SZRD1: variants seen among roughly 807,000 people sequenced by gnomAD.
SZRD1 encodes the protein SUZ RNA binding domain containing 1, also known as SUZ RNA-binding domain-containing.
A neutral mutation model predicts 17.6 loss-of-function variants in SZRD1; 7 were observed. That is an observed-to-expected ratio of 0.40 (90% CI 0.23 to 0.75). The LOEUF (loss-of-function observed/expected upper bound fraction) is 0.75. Among genes scored for constraint, SZRD1 ranks in the 30% least tolerant of loss-of-function variants. The pLI is 0.38. For synonymous variants in SZRD1, 77 were observed against 77.9 expected (o/e 0.99, Z 0.06); for missense variants, 178 against 201.8 (o/e 0.88, Z 0.71).
At chr1:16,373,075 A>G (rs1474599485) in intron 1 of SZRD1, among the ~76,000 whole-genome samples, 1 of 152,140 alleles carries the variant, frequency 6.6e-6, no homozygotes, top group East Asian at 1.9e-4. Context: ...TGGGAGGGCT[A>G]CAAGTATTTC....
rs77327771 is a variant in SZRD1 at position 16,393,041 on chromosome 1, G to A, written c.102-187G>A. Reference sequence around the variant, plus strand: ...TTCCTGTGGCCTGTCAGAGCTGGTCGCAAGCTTACTTTTTTGGGACACCCT... The same window carrying A: ...TTCCTGTGGCCTGTCAGAGCTGGTCACAAGCTTACTTTTTTGGGACACCCT... On this transcript the variant is annotated intron_variant, in intron 2 of 3. Transcript: ENST00000401088. This position sits in a 1 kb window ranked among gnomAD's most constrained non-coding sequence, Gnocchi z 5.6. 0.084 allele frequency among the ~76,000 whole-genome samples: 12,764 copies of A among 152,172 alleles called. 706 individuals carry two copies. The highest frequency in any genetic ancestry group is 0.12 in the Non-Finnish European group (8,452 of 67,996).
chr1:16,377,562 CAAAAA>C (rs34066824), intron 1 of SZRD1, among the ~76,000 whole-genome samples: 7 of 62,080 alleles, frequency 1.1e-4, no homozygotes, highest in African/African-American at 2.5e-4. Context: ...GACTCTGTCT[CAAAAA>C]AAAAAAAAAA....
chr1:16,383,105 A>T (rs2083133392), intron 1 of SZRD1, among the ~76,000 whole-genome samples: 1 of 152,100 alleles, frequency 6.6e-6, no homozygotes, highest in Non-Finnish European at 1.5e-5. Flanking sequence ...ACCTCAGGTG[A>T]TGCACCCACC....
chr1:16,385,003 C>CT (rs1288186947), intron 1 of SZRD1, among the ~76,000 whole-genome samples: 2 of 152,184 alleles, frequency 1.3e-5, no homozygotes, highest in African/African-American at 2.4e-5. Flanking sequence ...GAAATGAAAA[C>CT]TAACAGAGAA....
In SZRD1 at chr1:16,391,901, G is replaced by T. The variant is rs1303121694; in HGVS notation, c.101+477G>T. Among the ~76,000 whole-genome samples the T allele has an allele frequency of 6.6e-6, 1 of 152,196 alleles. No individual in the cohort carries two copies. The highest frequency in any genetic ancestry group is 1.9e-4 in the East Asian group (1 of 5,184). On this transcript the variant is annotated intron_variant, in intron 2 of 3. Transcript: ENST00000401088. The surrounding 1 kb of genome is among the most constrained non-coding windows in gnomAD (Gnocchi z 4.3). ...ATTCTTGAAAAAACCTTTAAAAATA[G>T]CTTTGTTTTCCACCTAGACGACAGA...
At chr1:16,389,256 TG>T (rs1470510674) in intron 1 of SZRD1, among the ~76,000 whole-genome samples, 1 of 139,214 alleles carries the variant, frequency 7.2e-6, no homozygotes, top group Non-Finnish European at 1.5e-5. Flanking sequence ...GCTAATTTTT[TG>T]TATTTTTTTG....
chr1:16,388,628 A>G (rs1241663429), intron 1 of SZRD1, among the ~76,000 whole-genome samples: 3 of 152,004 alleles, frequency 2.0e-5, no homozygotes. Flanking sequence ...ATAAGGCAAA[A>G]AAGATCACAT....
At chr1:16,371,449 CTTTTTTTTTTTCCCCTT>C (rs2082911761) in intron 1 of SZRD1, among the ~76,000 whole-genome samples, 1 of 135,432 alleles carries the variant, frequency 7.4e-6, no homozygotes, top group Non-Finnish European at 1.6e-5. Flanking sequence ...CTTTTTTTTC[CTTTTTTTTTTTCCCCTT>C]TTTTTTTTTT....
rs924162724 is a variant in SZRD1, at chr1:16,391,286, A to G, written c.52-89A>G. 1.0e-6 allele frequency: 1 copy of G among 960,854 alleles called. No individual in the cohort carries two copies. The highest frequency in any genetic ancestry group is 2.3e-5 in the Admixed American group (1 of 44,158). The allele number at this position is 960,854 out of a possible 1,614,324, so 59.5% of individuals were successfully genotyped here. ...CACAGTCATGTCCCTGGCTAGAGAA[A>G]GGACACTGCCCTTAGCTCCAAAAAT... is the stretch of plus-strand genomic sequence containing the variant. On this transcript the variant is annotated intron_variant, in intron 1 of 3. Coordinates refer to ENST00000401088, the MANE Select transcript of SZRD1 (RefSeq NM_001114600.3). The surrounding 1 kb of genome is among the most constrained non-coding windows in gnomAD (Gnocchi z 4.3).
chr1:16,371,319 G>T (rs982604652), intron 1 of SZRD1, among the ~76,000 whole-genome samples: 2 of 151,426 alleles, frequency 1.3e-5, no homozygotes, highest in South Asian at 2.1e-4. Flanking sequence ...GCCTCCCAAG[G>T]TGCTGGGATT....
At chr1:16,394,807 T>C (rs1470206208) in intron 3 of SZRD1, among the ~76,000 whole-genome samples, 2 of 152,002 alleles carry the variant, frequency 1.3e-5, no homozygotes, top group Non-Finnish European at 2.9e-5. Flanking sequence ...TTACAAAAAT[T>C]AGCTGGGTGT....
intron 1 of SZRD1, among the ~76,000 whole-genome samples, chr1:16,368,479 C>T (rs1238836883): frequency 7.3e-6 from 1 of 137,746 alleles, no homozygotes; most frequent in Non-Finnish European, 1.7e-5. Flanking sequence ...GCATTTCTCT[C>T]AACGGTTGTT....
chr1:16,386,582 T>C (rs2085127172), intron 1 of SZRD1, among the ~76,000 whole-genome samples: 1 of 152,188 alleles, frequency 6.6e-6, no homozygotes, highest in Admixed American at 6.5e-5. Context: ...TCATGATACC[T>C]GGACAGACTC....
Position 16,395,053 on chromosome 1 carries a change from C to G in SZRD1, c.372C>G (p.Ser124=). 1 of 1,612,542 alleles carries G rather than the reference C, an allele frequency of 6.2e-7. No homozygotes were observed. The highest frequency in any genetic ancestry group is 8.5e-7 in the Non-Finnish European group (1 of 1,178,644). ...TTCCTTTCAGGCCAACCAGGATCTC[C>G]CAACCCGAAGACAGCAGGCAGCCCA... ...KPILDRPTRI[S]QPEDSRQPNN... is the part of the protein sequence containing the mutation. The change falls in exon 4 of 4, where the codon TCC becomes TCG. Residue 124 remains serine (S), a synonymous_variant. Coordinates refer to ENST00000401088, the MANE Select transcript of SZRD1 (RefSeq NM_001114600.3).
Position 16,367,321 on chromosome 1 carries a change from C to A in SZRD1, c.51+13C>A. On this transcript the variant is annotated intron_variant, in intron 1 of 3. Coordinates refer to ENST00000401088, the MANE Select transcript of SZRD1 (RefSeq NM_001114600.3). ...GGCAGACAGCGGGGTAAGGAGGAGCCGCCGTCCCATGGCAGGGCCGGGCGA... is the reference window on the plus strand; with the variant it reads ...GGCAGACAGCGGGGTAAGGAGGAGCAGCCGTCCCATGGCAGGGCCGGGCGA... 1 of 1,547,710 alleles carries A rather than the reference C, an allele frequency of 6.5e-7. No homozygotes were observed. The highest frequency in any genetic ancestry group is 8.7e-7 in the Non-Finnish European group (1 of 1,145,884).
In SZRD1 at chr1:16,387,830, TACTC is replaced by T. The variant is rs370852075; in HGVS notation, c.52-3543_52-3540del. 1,266 of 382,414 alleles carry T rather than the reference TACTC, an allele frequency of 3.3e-3. 21 individuals carry two copies. The highest frequency in any genetic ancestry group is 0.024 in the South Asian group (1,224 of 51,026). The allele number at this position is 382,414 out of a possible 1,614,324, so 23.7% of individuals were successfully genotyped here. A position where few individuals can be genotyped will look rare whatever the true frequency, so the allele number is the denominator to read the frequency against. On this transcript the variant is annotated intron_variant, in intron 1 of 3. Transcript: ENST00000401088. ...ATAGACTAATATGAGCTGTAGTACT[TACTC>T]AGGTAATAACACTGGTATTAATAGA...
intron 1 of SZRD1, among the ~76,000 whole-genome samples, chr1:16,378,256 G>A (rs1486857886): frequency 2.6e-5 from 4 of 150,996 alleles, no homozygotes; most frequent in African/African-American, 9.7e-5. Context: ...CCTGGTTGCT[G>A]CTGAAGAATT....
At position 16,391,658 on chromosome 1, in the gene SZRD1, C is replaced by G. The variant is rs1311736888; in HGVS notation, c.101+234C>G. ...TCGTGGGCTCCCTGTGTGAGGTCAT[C>G]TGATGCAATGTGAGGAAGTGACAAG... On this transcript the variant is annotated intron_variant, in intron 2 of 3. Coordinates refer to ENST00000401088, the MANE Select transcript of SZRD1 (RefSeq NM_001114600.3). The surrounding 1 kb of genome is among the most constrained non-coding windows in gnomAD (Gnocchi z 4.3). Among the ~76,000 whole-genome samples, 2 of 152,042 alleles carry G rather than the reference C, an allele frequency of 1.3e-5. No individual in the cohort carries two copies. Among genetic ancestry groups the G allele is most frequent in the African/African-American group, 2.4e-5 (1 of 41,390 alleles).
chr1:16,367,625 C>T, intron 1 of SZRD1: 1 of 435,916 alleles, frequency 2.3e-6, no homozygotes, highest in East Asian at 4.2e-5. Flanking sequence ...CTCTGTGACT[C>T]TTTCCGATGA....
Sources: allele counts gnomAD v4.1 joint callset (sites outside exome capture counted in the v4.1 genomes callset), GRCh38; gene constraint gnomAD v4.1.1; non-coding constraint Gnocchi (gnomAD v3.1); transcripts MANE v1.5; gene names NCBI Gene and HGNC (gene_info 2026-07-23, HGNC 2026-07-21).